Variants in DAP observed in about 807,000 individuals in gnomAD.
The protein encoded by DAP is death-associated protein 1.
Under a neutral mutation model 13.8 loss-of-function variants are expected in DAP, and 8 were observed. That is an observed-to-expected ratio of 0.58 (90% CI 0.34 to 1.05). The LOEUF (loss-of-function observed/expected upper bound fraction) is 1.05, where lower values mean the gene tolerates loss of function less well. Ranked by LOEUF, DAP falls within the 50% of genes least tolerant of loss-of-function variation. The pLI is 0.03. For synonymous variants in DAP, 47 were observed against 47.5 expected, an observed-to-expected ratio of 0.99 and a Z score of 0.04; for missense variants, 106 against 133.2, an observed-to-expected ratio of 0.80 and a Z score of 1.01.
chr5:10,694,590 G>A lies in DAP; in HGVS notation c.153-11019C>T, dbSNP rs1453599026. 2.0e-5 allele frequency among the ~76,000 whole-genome samples: 3 copies of A among 152,216 alleles called. No homozygotes were observed. The East Asian group carries it at 5.8e-4, about 29-fold the overall frequency. The stretch of plus-strand genomic sequence containing the variant: ...ACCTCAAATCAAACCCTCTGTCAGT[G>A]CAGAAGAAGAGGCCCTTGGGCCTCA... On this transcript the variant is annotated intron_variant, in intron 2 of 3. Transcript: ENST00000230895.
intron 2 of DAP, among the ~76,000 whole-genome samples, chr5:10,736,398 G>A (rs569060487): frequency 1.3e-5 from 2 of 152,086 alleles, no homozygotes; most frequent in African/African-American, 4.8e-5. Context: ...GGCAGATCTC[G>A]AAGCTGCCAT....
intron 2 of DAP, among the ~76,000 whole-genome samples, chr5:10,721,359 G>A (rs1318346159): frequency 6.6e-6 from 1 of 152,154 alleles, no homozygotes; most frequent in African/African-American, 2.4e-5. Context: ...GAGGAACGCG[G>A]CTACCAGGAG....
chr5:10,703,695 C>T (rs1007503096), intron 2 of DAP, among the ~76,000 whole-genome samples: 3 of 152,230 alleles, frequency 2.0e-5, no homozygotes, highest in Non-Finnish European at 4.4e-5. Flanking sequence ...TTTTAAGGCT[C>T]ATAAAATACT....
intron 2 of DAP, among the ~76,000 whole-genome samples, chr5:10,737,373 C>CAACAAT (rs1739640729): frequency 6.7e-6 from 1 of 148,150 alleles, no homozygotes; most frequent in Admixed American, 6.7e-5. Context: ...AAAAACAAAA[C>CAACAAT]AACAACAACA....
chr5:10,758,649 C>T (rs1390496663), intron 1 of DAP, among the ~76,000 whole-genome samples: 2 of 152,180 alleles, frequency 1.3e-5, no homozygotes, highest in Non-Finnish European at 2.9e-5. Context: ...CACAGCCCCA[C>T]CCTGTGACTT....
intron 2 of DAP, among the ~76,000 whole-genome samples, chr5:10,692,440 G>A (rs1015370227): frequency 6.6e-6 from 1 of 152,104 alleles, no homozygotes; most frequent in Admixed American, 6.5e-5. Flanking sequence ...GGCCTTCAGT[G>A]GGGGCCGCCT....
At chr5:10,720,860 T>C (rs536620719) in intron 2 of DAP, among the ~76,000 whole-genome samples, 3 of 152,368 alleles carry the variant, frequency 2.0e-5, no homozygotes, top group Non-Finnish European at 2.9e-5. Context: ...GGATATAGGT[T>C]TGCCTATCCT....
chr5:10,724,361 T>C (rs1739229840), intron 2 of DAP, among the ~76,000 whole-genome samples: 1 of 152,240 alleles, frequency 6.6e-6, no homozygotes, highest in Non-Finnish European at 1.5e-5. Context: ...CGCTGTGCTT[T>C]TAGTTCTTTT....
intron 2 of DAP, among the ~76,000 whole-genome samples, chr5:10,692,813 T>G (rs1321683508): frequency 6.6e-6 from 1 of 152,116 alleles, no homozygotes; most frequent in African/African-American, 2.4e-5. Flanking sequence ...TTGCTAGTAA[T>G]CTTCAAATAG....
chr5:10,690,622 ATGTG>A (rs1417116955), intron 2 of DAP, among the ~76,000 whole-genome samples: 1 of 152,184 alleles, frequency 6.6e-6, no homozygotes, highest in Non-Finnish European at 1.5e-5. Flanking sequence ...ATGTTGCAGA[ATGTG>A]TGGGAATTCT....
At chr5:10,688,734 C>T (rs1381597855) in intron 2 of DAP, among the ~76,000 whole-genome samples, 1 of 152,184 alleles carries the variant, frequency 6.6e-6, no homozygotes, top group Non-Finnish European at 1.5e-5. Context: ...TAAAGGAGAT[C>T]CCCAGCAATG....
At chr5:10,760,957 C>CG (rs1740333160) in intron 1 of DAP, 57 bp downstream of exon 1, 1 of 1,131,402 alleles carries the variant, frequency 8.8e-7, no homozygotes, top group African/African-American at 1.7e-5. Context: ...CCGGCGCCCC[C>CG]GGGTTCGAGC....
At chr5:10,683,717 T>A in intron 2 of DAP, 146 bp from the exon 3 acceptor site, 1 of 744,374 alleles carries the variant, frequency 1.3e-6, no homozygotes, top group Non-Finnish European at 2.3e-6. Context: ...TTATTTGTTG[T>A]AATGATCACA....
chr5:10,737,764 T>G (rs1476575782), intron 2 of DAP, among the ~76,000 whole-genome samples: 1 of 152,242 alleles, frequency 6.6e-6, no homozygotes, highest in African/African-American at 2.4e-5. Flanking sequence ...GGTTGACTTG[T>G]GTCCTCCAAA....
chr5:10,682,746 C>T (rs953019459), intron 3 of DAP, among the ~76,000 whole-genome samples: 5 of 152,270 alleles, frequency 3.3e-5, no homozygotes, highest in Admixed American at 2.6e-4. Flanking sequence ...CAAGAATGCT[C>T]ACTGGCTCTG....
chr5:10,736,457 T>C (rs1866385), intron 2 of DAP, among the ~76,000 whole-genome samples: 26,689 of 152,138 alleles, frequency 0.18, 2,450 homozygotes, highest in Middle Eastern at 0.28. Context: ...CAACCCTCCC[T>C]GGGCAGCCTC....
At chr5:10,690,810 G>A (rs1233159135) in intron 2 of DAP, among the ~76,000 whole-genome samples, 1 of 152,214 alleles carries the variant, frequency 6.6e-6, no homozygotes, top group Non-Finnish European at 1.5e-5. Context: ...AAGTGGAATT[G>A]CTGGGTTATA....
At chr5:10,691,385 G>T (rs775804881) in intron 2 of DAP, among the ~76,000 whole-genome samples, 8 of 152,192 alleles carry the variant, frequency 5.3e-5, no homozygotes, top group Non-Finnish European at 8.8e-5. Flanking sequence ...AATTATTTAT[G>T]ACGTTTATAA....
intron 2 of DAP, among the ~76,000 whole-genome samples, chr5:10,702,880 C>G (rs1182917972): frequency 6.6e-6 from 1 of 152,138 alleles, no homozygotes; most frequent in Non-Finnish European, 1.5e-5. Context: ...CGATGTCACT[C>G]ATGACCAAAA....
Sources: allele counts gnomAD v4.1 joint callset (sites outside exome capture counted in the v4.1 genomes callset), GRCh38; gene constraint gnomAD v4.1.1; transcripts MANE v1.5; gene names NCBI Gene and HGNC (gene_info 2026-07-23, HGNC 2026-07-21).